The following CAPN3 variants were observed in gnomAD, a reference collection of about 807,000 sequenced individuals.
The protein encoded by CAPN3 is calpain 3, also known as calpain-3.
In CAPN3, 88 loss-of-function variants were observed where a neutral mutation model predicts 114.0. The observed-to-expected ratio is 0.77, with a 90% CI of 0.65 to 0.92. The LOEUF (loss-of-function observed/expected upper bound fraction) is 0.92, where lower values mean the gene tolerates loss of function less well. Among genes scored for constraint, CAPN3 ranks in the 40% least tolerant of loss-of-function variants. The probability of loss-of-function intolerance (pLI) is 0.00; values close to 1 mark genes in which losing one functional copy is unlikely to be tolerated. For synonymous variants in CAPN3, 386 were observed against 382.9 expected (o/e 1.01, Z -0.09); for missense variants, 1,028 against 1,069.0 (o/e 0.96, Z 0.53).
chr15:42,403,320 G>A (rs28364495), intron 13 of CAPN3, among the ~76,000 whole-genome samples: 10,494 of 152,220 alleles, frequency 0.069, 1,139 homozygotes, highest in African/African-American at 0.23. Flanking sequence ...GTTAGATTTG[G>A]AGAGGTGATA....
At position 42,398,648 on chromosome 15, in the gene CAPN3, C is replaced by CAT. The variant is rs1302149138; in HGVS notation, c.1194-836_1194-835dup. Reference sequence around the variant, plus strand: ...ACACACACACACATATATATACACACATATATATACACACACATATACACA... The same window carrying CAT: ...ACACACACACACATATATATACACACATATATATATACACACACATATACACA... On this transcript the variant is annotated intron_variant, in intron 9 of 23. Transcript: ENST00000397163. Among the ~76,000 whole-genome samples the CAT allele has an allele frequency of 2.0e-5, 3 of 147,998 alleles. No homozygotes were observed. The East Asian group carries it at 5.9e-4, about 29-fold the overall frequency.
chr15:42,384,642 G>A, intron 2 of CAPN3, 90 bp downstream of exon 2: 2 of 978,124 alleles, frequency 2.0e-6, no homozygotes, highest in Non-Finnish European at 3.3e-6. Context: ...GGGACAATCT[G>A]TGCTTGCTTC....
At chr15:42,399,468 C>T in intron 9 of CAPN3, 24 bp from the exon 10 acceptor site, 1 of 1,604,138 alleles carries the variant, frequency 6.2e-7, no homozygotes. Flanking sequence ...CCATATGGCT[C>T]TCTCTCTTCT....
intron 17 of CAPN3, 49 bp from the exon 18 acceptor site, chr15:42,409,738 G>T (rs2054146403): frequency 6.5e-7 from 1 of 1,534,490 alleles, no homozygotes; most frequent in African/African-American, 1.4e-5. Context: ...GTCCGCGCCA[G>T]GAGCTGCTGT....
Position 42,407,897 on chromosome 15 carries a change from GA to G in CAPN3, c.1801-304del, listed in dbSNP as rs367758932. Among the ~76,000 whole-genome samples the G allele has an allele frequency of 9.8e-4, 146 of 148,670 alleles. 1 individual carries two copies. The highest frequency in any genetic ancestry group is 2.8e-3 in the African/African-American group (114 of 40,642). ...TTAATTTGAACAGTGTTTCCATCTGGAAAAAAAAAAGTCTACAAAATACTTG... is the reference window on the plus strand; with the variant it reads ...TTAATTTGAACAGTGTTTCCATCTGGAAAAAAAAAGTCTACAAAATACTTG... On this transcript the variant is annotated intron_variant, in intron 15 of 23. Coordinates refer to ENST00000397163, the MANE Select transcript of CAPN3 (RefSeq NM_000070.3).
intron 1 of CAPN3, among the ~76,000 whole-genome samples, chr15:42,382,900 T>G (rs557613082): frequency 7.2e-5 from 11 of 152,320 alleles, no homozygotes; most frequent in African/African-American, 2.6e-4. Context: ...TTAAAATAAT[T>G]TTTTCTTTAA....
chr15:42,404,972 G>A (rs977567875), intron 14 of CAPN3: 6 of 994,016 alleles, frequency 6.0e-6, no homozygotes, highest in Admixed American at 1.1e-4. Context: ...AGAGCAGGCA[G>A]GTGCAGGGGT....
intron 12 of CAPN3, chr15:42,402,557 T>C: frequency 6.8e-7 from 1 of 1,467,626 alleles, no homozygotes; most frequent in Non-Finnish European, 9.0e-7. Context: ...GCAGCTGTTC[T>C]GGTAAGTGTC....
Position 42,405,959 on chromosome 15 carries a change from G to C in CAPN3, c.1800+16G>C. 6.2e-7 allele frequency: 1 copy of C among 1,609,710 alleles called. No homozygotes were observed. Among genetic ancestry groups the C allele is most frequent in the Non-Finnish European group, 8.5e-7 (1 of 1,175,970 alleles). On this transcript the variant is annotated intron_variant, in intron 15 of 23. Transcript: ENST00000397163. ...AAAAACCAAGGTAGGTGTGTGGGTA[G>C]AGAGCATGAAGTGTGTGTACTCATG...
At chr15:42,373,800 G>A (rs1260371216) in intron 1 of CAPN3, among the ~76,000 whole-genome samples, 1 of 152,118 alleles carries the variant, frequency 6.6e-6, no homozygotes, top group Non-Finnish European at 1.5e-5. Flanking sequence ...GGAGTGTGAA[G>A]GCGTCATTAC....
chr15:42,401,551 G>C, intron 10 of CAPN3, 90 bp from the exon 11 acceptor site: 1 of 1,163,438 alleles, frequency 8.6e-7, no homozygotes, highest in South Asian at 1.2e-5. Context: ...CTAGATGTAG[G>C]GAATAGAAAT....
Position 42,411,906 on chromosome 15 carries a change from G to A in CAPN3, c.*133G>A. ...GGCTTCCAGGCACCTCATCAGTCATGCTCCTCCTCCATTTTACCCCCTACC... is the reference window on the plus strand; with the variant it reads ...GGCTTCCAGGCACCTCATCAGTCATACTCCTCCTCCATTTTACCCCCTACC... On this transcript the variant is annotated 3_prime_UTR_variant, in exon 24 of 24. Coordinates refer to ENST00000397163, the MANE Select transcript of CAPN3 (RefSeq NM_000070.3). The A allele has an allele frequency of 6.4e-7, 1 of 1,574,578 alleles. No homozygotes were observed.
At chr15:42,404,177 C>T (rs1245290392) in intron 14 of CAPN3, 9 of 459,598 alleles carry the variant, frequency 2.0e-5, no homozygotes, top group Middle Eastern at 3.2e-4. Flanking sequence ...CTTGGATCCT[C>T]CACTTACCAG....
In CAPN3 at chr15:42,392,643, T is replaced by C. The variant is rs371362494; in HGVS notation, c.950T>C (p.Ile317Thr). ...RGSDERPTRT[I>T]IPVQYETRMA... ...TCTCTGGTTACTGCTCTACAGACAATCATTCCGGTTCAGTATGAGACAAGA... is the reference window on the plus strand; with the variant it reads ...TCTCTGGTTACTGCTCTACAGACAACCATTCCGGTTCAGTATGAGACAAGA... The change falls in exon 7 of 24, where the codon ATC (isoleucine) becomes ACC (threonine). Residue 317 changes from isoleucine to threonine, a missense_variant. Physicochemically the swap from Ile to Thr is moderately conservative, Grantham distance 89. Coordinates refer to ENST00000397163, the MANE Select transcript of CAPN3 (RefSeq NM_000070.3). The C allele has an allele frequency of 1.9e-5, 31 of 1,613,242 alleles. No homozygotes were observed. In the African/African-American group the frequency reaches 4.0e-4, roughly 21 times the overall value.
chr15:42,375,867 C>T (rs1196043629), intron 1 of CAPN3, among the ~76,000 whole-genome samples: 2 of 152,146 alleles, frequency 1.3e-5, no homozygotes, highest in Non-Finnish European at 2.9e-5. Context: ...TGTCCTTTTT[C>T]TGTTCCAAGA....
chr15:42,391,775 G>A (rs78419843), intron 6 of CAPN3, among the ~76,000 whole-genome samples: 2,968 of 152,166 alleles, frequency 0.02, 107 homozygotes, highest in African/African-American at 0.068. Context: ...GGATCTCCTC[G>A]GGCTTTCTTA....
At chr15:42,398,134 G>T (rs532124307) in intron 9 of CAPN3, among the ~76,000 whole-genome samples, 1 of 150,232 alleles carries the variant, frequency 6.7e-6, no homozygotes, top group African/African-American at 2.5e-5. Flanking sequence ...ATATTTTGGG[G>T]GTACATATGT....
At chr15:42,404,331 TCAAA>T (rs1383796084) in intron 14 of CAPN3, 7 of 456,544 alleles carry the variant, frequency 1.5e-5, no homozygotes, top group Middle Eastern at 3.3e-4. Context: ...GCATGGGCAC[TCAAA>T]CAGAGGTGCT....
rs929916569 is a variant in CAPN3, at chr15:42,360,031, G to C, written c.226G>C (p.Val76Leu). The change falls in exon 1 of 24, where the codon GTG becomes CTG. Residue 76 changes from valine to leucine, a missense_variant. Physicochemically the swap from Val to Leu is conservative, Grantham distance 32. Coordinates refer to ENST00000397163, the MANE Select transcript of CAPN3 (RefSeq NM_000070.3). ...ATGTCTAGAAAAGAAAGTTCTTTATGTGGACCCTGAGTTCCCACCGGATGA... is the reference window on the plus strand; with the variant it reads ...ATGTCTAGAAAAGAAAGTTCTTTATCTGGACCCTGAGTTCCCACCGGATGA... ...KKCLEKKVLYVDPEFPPDETS... is the reference protein window; with the variant it reads ...KKCLEKKVLYLDPEFPPDETS... The C allele has an allele frequency of 3.1e-6, 5 of 1,614,090 alleles. No individual in the cohort carries two copies. The African/African-American group carries it at 6.7e-5, about 22-fold the overall frequency.
Sources: allele counts gnomAD v4.1 joint callset (sites outside exome capture counted in the v4.1 genomes callset), GRCh38; gene constraint gnomAD v4.1.1; transcripts MANE v1.5; gene names NCBI Gene and HGNC (gene_info 2026-07-23, HGNC 2026-07-21).